TRHR: variants seen among roughly 807,000 people sequenced by gnomAD.
TRHR encodes thyrotropin releasing hormone receptor, also known as thyrotropin-releasing hormone receptor.
A neutral mutation model predicts 28.0 loss-of-function variants in TRHR; 14 were observed. That is an observed-to-expected ratio of 0.50 (90% CI 0.33 to 0.78). The LOEUF (loss-of-function observed/expected upper bound fraction) is 0.78. Among genes scored for constraint, TRHR ranks in the 30% least tolerant of loss-of-function variants. The probability of loss-of-function intolerance (pLI) is 0.02; values close to 1 mark genes in which losing one functional copy is unlikely to be tolerated. For synonymous variants in TRHR, 176 were observed against 171.9 expected (o/e 1.02, Z -0.18); for missense variants, 438 against 469.5 (o/e 0.93, Z 0.62).
chr8:109,087,563 A>G lies in TRHR; in HGVS notation c.51A>G (p.Arg17=). The G allele has an allele frequency of 1.9e-6, 3 of 1,614,210 alleles. No homozygotes were observed. The highest frequency in any genetic ancestry group is 2.5e-6 in the Non-Finnish European group (3 of 1,180,038). The change falls in exon 2 of 3, where the codon CGA becomes CGG. Residue 17 remains arginine, a synonymous_variant. Coordinates refer to ENST00000518632, the MANE Select transcript of TRHR (RefSeq NM_003301.7). ...SELNQTQLQP[R]AVVALEYQVV... is the part of the protein sequence containing the mutation. ...TGAACCAAACACAGCTTCAGCCACGAGCAGTGGTGGCCTTAGAATACCAGG... is the reference window on the plus strand; with the variant it reads ...TGAACCAAACACAGCTTCAGCCACGGGCAGTGGTGGCCTTAGAATACCAGG...
intron 2 of TRHR, among the ~76,000 whole-genome samples, chr8:109,111,049 A>G (rs1811824713): frequency 6.6e-6 from 1 of 151,970 alleles, no homozygotes; most frequent in Admixed American, 6.6e-5. Flanking sequence ...GCTACTTGGG[A>G]GTTGAGGCAA....
intron 2 of TRHR, among the ~76,000 whole-genome samples, chr8:109,094,464 C>T (rs79546507): frequency 1.3e-5 from 2 of 151,948 alleles, no homozygotes; most frequent in Non-Finnish European, 2.9e-5. Flanking sequence ...CTGGGTTCAA[C>T]TATATACTTA....
chr8:109,090,469 C>A (rs570659953), intron 2 of TRHR, among the ~76,000 whole-genome samples: 10 of 152,306 alleles, frequency 6.6e-5, no homozygotes, highest in Admixed American at 3.9e-4. Context: ...CACATTAACA[C>A]CACTGTCAGT....
intron 2 of TRHR, among the ~76,000 whole-genome samples, chr8:109,101,894 T>G (rs1811681957): frequency 6.6e-6 from 1 of 152,102 alleles, no homozygotes; most frequent in African/African-American, 2.4e-5. Context: ...TAGCTAGAAT[T>G]CTGGGAGAAT....
chr8:109,087,564 G>A lies in TRHR; in HGVS notation c.52G>A (p.Ala18Thr). 6.2e-7 allele frequency: 1 copy of A among 1,614,210 alleles called. No homozygotes were observed. The highest frequency in any genetic ancestry group is 8.5e-7 in the Non-Finnish European group (1 of 1,180,034). ...GAACCAAACACAGCTTCAGCCACGA[G>A]CAGTGGTGGCCTTAGAATACCAGGT... ...ELNQTQLQPRAVVALEYQVVT... is the reference protein window; with the variant it reads ...ELNQTQLQPRTVVALEYQVVT... The change falls in exon 2 of 3, where the codon GCA becomes ACA. Residue 18 changes from alanine to threonine, a missense_variant. Physicochemically the swap from Ala to Thr is moderately conservative, Grantham distance 58. Coordinates refer to ENST00000518632, the MANE Select transcript of TRHR (RefSeq NM_003301.7).
chr8:109,086,990 G>A (rs1811443573), intron 1 of TRHR, 107 bp downstream of exon 1: 3 of 164,904 alleles, frequency 1.8e-5, no homozygotes, highest in Non-Finnish European at 4.0e-5. Context: ...CCCTCTGAGA[G>A]CAAAAGAGGC....
chr8:109,091,822 G>A (rs1374851277), intron 2 of TRHR, among the ~76,000 whole-genome samples: 1 of 152,044 alleles, frequency 6.6e-6, no homozygotes, highest in Non-Finnish European at 1.5e-5. Flanking sequence ...TAAACTAAAC[G>A]GATTATCTGA....
intron 2 of TRHR, among the ~76,000 whole-genome samples, chr8:109,107,896 T>C (rs1731527331): frequency 6.6e-6 from 1 of 152,212 alleles, no homozygotes; most frequent in Non-Finnish European, 1.5e-5. Flanking sequence ...TTTGTAAAGC[T>C]GAAACTTAAA....
At chr8:109,097,084 T>A (rs963909558) in intron 2 of TRHR, among the ~76,000 whole-genome samples, 17 of 152,182 alleles carry the variant, frequency 1.1e-4, no homozygotes, top group Non-Finnish European at 2.1e-4. Context: ...GACAGGCTGA[T>A]TTGGAAACAT....
Position 109,108,159 on chromosome 8 carries a change from G to C in TRHR, c.790-10889G>C, listed in dbSNP as rs552194060. ...TCCCAGGTGCTCCCAGCTCTACGAT[G>C]AGGGACTTTGTCCAAGATTTTTAGA... is the stretch of plus-strand genomic sequence containing the variant. On this transcript the variant is annotated intron_variant, in intron 2 of 2. Transcript: ENST00000518632. Among the ~76,000 whole-genome samples, 3 of 152,252 alleles carry C rather than the reference G, an allele frequency of 2.0e-5. No individual in the cohort carries two copies. The East Asian group carries it at 5.8e-4, about 30-fold the overall frequency.
chr8:109,087,332 A>G, intron 1 of TRHR, 93 bp from the exon 2 acceptor site: 1 of 685,998 alleles, frequency 1.5e-6, no homozygotes, highest in Non-Finnish European at 2.5e-6. Flanking sequence ...GAAAAATGGG[A>G]AGTGAAAGGA....
chr8:109,106,597 G>T (rs1811756311), intron 2 of TRHR, among the ~76,000 whole-genome samples: 2 of 152,048 alleles, frequency 1.3e-5, no homozygotes, highest in Non-Finnish European at 2.9e-5. Context: ...TTCTGAGAAG[G>T]AATCTTTACA....
At chr8:109,091,295 T>C (rs948680460) in intron 2 of TRHR, among the ~76,000 whole-genome samples, 1 of 152,208 alleles carries the variant, frequency 6.6e-6, no homozygotes, top group Non-Finnish European at 1.5e-5. Context: ...CAATTCAATA[T>C]GGCCCCAGGA....
chr8:109,097,939 A>G (rs185521114), intron 2 of TRHR, among the ~76,000 whole-genome samples: 2 of 152,208 alleles, frequency 1.3e-5, no homozygotes, highest in Admixed American at 1.3e-4. Context: ...CTATTTCAAA[A>G]TTCCCTACTG....
chr8:109,097,340 A>C (rs1435549203), intron 2 of TRHR, among the ~76,000 whole-genome samples: 1 of 152,122 alleles, frequency 6.6e-6, no homozygotes, highest in Non-Finnish European at 1.5e-5. Context: ...AAATATATAT[A>C]TATATCTCCA....
intron 2 of TRHR, among the ~76,000 whole-genome samples, chr8:109,103,955 T>A (rs187465013): frequency 4.7e-4 from 72 of 152,294 alleles, no homozygotes; most frequent in African/African-American, 1.7e-3. Context: ...AGAAAATTCA[T>A]GTTCTTATAT....
At chr8:109,092,708 G>T (rs907143254) in intron 2 of TRHR, among the ~76,000 whole-genome samples, 2 of 152,008 alleles carry the variant, frequency 1.3e-5, no homozygotes. Flanking sequence ...CAAAGTACTG[G>T]GATTACAGGC....
chr8:109,104,092 C>A (rs556204176), intron 2 of TRHR, among the ~76,000 whole-genome samples: 7 of 152,202 alleles, frequency 4.6e-5, no homozygotes, highest in East Asian at 3.9e-4. Context: ...TTTTTGCAAA[C>A]TGATTCCTAA....
intron 2 of TRHR, among the ~76,000 whole-genome samples, chr8:109,104,469 C>T (rs139446139): frequency 2.4e-4 from 37 of 152,102 alleles, no homozygotes; most frequent in Non-Finnish European, 4.1e-4. Flanking sequence ...GCCTTTGGAA[C>T]GAGTAGTGAT....
Sources: gnomAD v4.1 joint callset for allele counts (sites outside exome capture counted in the v4.1 genomes callset) on GRCh38, gnomAD v4.1.1 for gene constraint, MANE v1.5 for transcripts, NCBI Gene and HGNC (gene_info 2026-07-23, HGNC 2026-07-21) for gene names.